ADAMTS17: variants seen among roughly 807,000 people sequenced by gnomAD.
ADAMTS17 encodes the protein A disintegrin and metalloproteinase with thrombospondin motifs 17.
Under a neutral mutation model 141.5 loss-of-function variants are expected in ADAMTS17, and 113 were observed. That is an observed-to-expected ratio of 0.80 (90% CI 0.69 to 0.93). The LOEUF is 0.93. ADAMTS17 is among the 40% of genes least tolerant of loss of function. The probability of loss-of-function intolerance (pLI) is 0.00; values close to 1 mark genes in which losing one functional copy is unlikely to be tolerated. For missense variants in ADAMTS17, 1,659 were observed against 1,517.9 expected (o/e 1.09, Z -1.54); for synonymous variants, 768 against 630.6 (o/e 1.22, Z -3.27).
At chr15:100,065,458 T>A (rs2033450537) in intron 15 of ADAMTS17, among the ~76,000 whole-genome samples, 2 of 152,240 alleles carry the variant, frequency 1.3e-5, no homozygotes, top group Admixed American at 1.3e-4. Context: ...TGGCTGAGTT[T>A]CTATGTAGCT....
chr15:100,118,798 C>G (rs976205142), intron 12 of ADAMTS17, among the ~76,000 whole-genome samples: 1 of 152,132 alleles, frequency 6.6e-6, no homozygotes, highest in Non-Finnish European at 1.5e-5. Flanking sequence ...TGAGTCCCCA[C>G]GAGCGGGCAC....
At chr15:100,258,216 C>T (rs1287220734) in intron 6 of ADAMTS17, among the ~76,000 whole-genome samples, 2 of 152,168 alleles carry the variant, frequency 1.3e-5, no homozygotes, top group African/African-American at 4.8e-5. Flanking sequence ...TTTCAATTAT[C>T]TTGAATTTCA....
chr15:100,253,252 C>CA (rs1356570783), intron 7 of ADAMTS17, among the ~76,000 whole-genome samples: 1 of 140,492 alleles, frequency 7.1e-6, no homozygotes, highest in African/African-American at 2.7e-5. Context: ...ACACTGTGTG[C>CA]AAAGAATGGT....
chr15:100,242,819 T>G (rs59775708), intron 7 of ADAMTS17, among the ~76,000 whole-genome samples: 45,136 of 152,132 alleles, frequency 0.3, 6,923 homozygotes, highest in East Asian at 0.44. Flanking sequence ...AAAAATTATG[T>G]AAAGTATACA....
At chr15:99,987,674 T>C (rs1360978630) in intron 20 of ADAMTS17, among the ~76,000 whole-genome samples, 1 of 152,144 alleles carries the variant, frequency 6.6e-6, no homozygotes, top group African/African-American at 2.4e-5. Context: ...TGGAATCTAA[T>C]TAGAGAGGTC....
intron 8 of ADAMTS17, among the ~76,000 whole-genome samples, chr15:100,164,391 GTCAT>G (rs60113052): frequency 1 from 152,077 of 152,082 alleles, 76,036 homozygotes; most frequent in Middle Eastern, 1. Context: ...AATACTGAAT[GTCAT>G]TCATTCATTC....
rs552471639 is a variant in ADAMTS17 at position 100,186,505 on chromosome 15, G to A, written c.1181+12813C>T. Among the ~76,000 whole-genome samples the A allele has an allele frequency of 1.1e-3, 166 of 152,230 alleles. 1 individual carries two copies. The highest frequency in any genetic ancestry group is 3.5e-3 in the African/African-American group (145 of 41,546). ...ATACCCTTTTCCCTCCCATCTTGGC[G>A]CCATCTCAATGTCTGATGAGCATAC... On this transcript the variant is annotated intron_variant, in intron 8 of 21. Transcript: ENST00000268070.
At chr15:100,086,152 A>T (rs1023034918) in intron 15 of ADAMTS17, among the ~76,000 whole-genome samples, 2 of 152,110 alleles carry the variant, frequency 1.3e-5, no homozygotes, top group African/African-American at 4.8e-5. Context: ...ATGAAGGAAG[A>T]CCTACCAAGC....
intron 18 of ADAMTS17, among the ~76,000 whole-genome samples, chr15:100,031,387 T>C (rs1248436227): frequency 6.6e-6 from 1 of 152,164 alleles, no homozygotes; most frequent in Non-Finnish European, 1.5e-5. Flanking sequence ...AGATTTAAAA[T>C]ATGTCTGCAG....
intron 3 of ADAMTS17, among the ~76,000 whole-genome samples, chr15:100,326,552 A>G (rs2045907015): frequency 6.6e-6 from 1 of 152,208 alleles, no homozygotes; most frequent in Admixed American, 6.5e-5. Flanking sequence ...GGCTGTAATA[A>G]TGGATTACAC....
At chr15:100,057,611 A>G (rs2032695964) in intron 15 of ADAMTS17, among the ~76,000 whole-genome samples, 1 of 152,136 alleles carries the variant, frequency 6.6e-6, no homozygotes, top group African/African-American at 2.4e-5. Flanking sequence ...CCTTTAAGCA[A>G]TGGTACCCAG....
chr15:100,039,396 T>TA (rs2031044976), intron 18 of ADAMTS17, among the ~76,000 whole-genome samples: 1 of 152,202 alleles, frequency 6.6e-6, no homozygotes, highest in Admixed American at 6.5e-5. Flanking sequence ...AATTTCCCCT[T>TA]AAGGCCTGCT....
intron 12 of ADAMTS17, among the ~76,000 whole-genome samples, chr15:100,130,063 T>G (rs375566149): frequency 3.9e-4 from 60 of 152,218 alleles, no homozygotes; most frequent in African/African-American, 1.3e-3. Context: ...CCTATGCCCT[T>G]AATTAAGAAG....
At chr15:99,991,082 A>T (rs2060681106) in intron 20 of ADAMTS17, among the ~76,000 whole-genome samples, 1 of 152,224 alleles carries the variant, frequency 6.6e-6, no homozygotes, top group South Asian at 2.1e-4. Flanking sequence ...AAGAAAACCT[A>T]GGCAATACCA....
At chr15:100,138,893 A>G (rs886851965) in intron 10 of ADAMTS17, among the ~76,000 whole-genome samples, 3 of 152,244 alleles carry the variant, frequency 2.0e-5, no homozygotes, top group Non-Finnish European at 4.4e-5. Context: ...TGCCTTTTAA[A>G]AAAATTTAAA....
intron 12 of ADAMTS17, among the ~76,000 whole-genome samples, chr15:100,131,227 G>C (rs1208772654): frequency 1.4e-5 from 2 of 147,484 alleles, no homozygotes; most frequent in African/African-American, 4.9e-5. Flanking sequence ...AGGGGGTTGA[G>C]GGGCAAGGGG....
intron 18 of ADAMTS17, among the ~76,000 whole-genome samples, chr15:100,010,217 C>G (rs2061135495): frequency 6.6e-6 from 1 of 152,216 alleles, no homozygotes; most frequent in Admixed American, 6.5e-5. Context: ...TTATAAATTG[C>G]CCACTCTCGG....
chr15:100,110,560 C>T (rs538349366), intron 13 of ADAMTS17, among the ~76,000 whole-genome samples: 7 of 152,014 alleles, frequency 4.6e-5, no homozygotes, highest in East Asian at 1.9e-4. Flanking sequence ...CACCGCGCCC[C>T]GCAAGACTCA....
At chr15:100,119,424 TAGA>T (rs2037338090) in intron 12 of ADAMTS17, among the ~76,000 whole-genome samples, 1 of 152,200 alleles carries the variant, frequency 6.6e-6, no homozygotes, top group Non-Finnish European at 1.5e-5. Context: ...GGTGGGTTCG[TAGA>T]AGAATAAAGA....
Sources: allele counts gnomAD v4.1 joint callset (sites outside exome capture counted in the v4.1 genomes callset), GRCh38; gene constraint gnomAD v4.1.1; transcripts MANE v1.5; gene names NCBI Gene and HGNC (gene_info 2026-07-23, HGNC 2026-07-21).